AGBL5: variants seen among roughly 807,000 people sequenced by gnomAD.
AGBL5 encodes the protein AGBL carboxypeptidase 5, also known as cytosolic carboxypeptidase-like protein 5.
A neutral mutation model predicts 88.0 loss-of-function variants in AGBL5; 51 were observed. That is an observed-to-expected ratio of 0.58 (90% confidence interval 0.46 to 0.73). The LOEUF (loss-of-function observed/expected upper bound fraction) is 0.73, where lower values mean the gene tolerates loss of function less well. Among genes scored for constraint, AGBL5 ranks in the 30% least tolerant of loss-of-function variants. The pLI, the probability that AGBL5 is intolerant of heterozygous loss-of-function variation, is 0.00. For synonymous variants in AGBL5, 446 were observed against 438.8 expected (o/e 1.02, Z -0.21); for missense variants, 1,031 against 1,162.2 (o/e 0.89, Z 1.64).
intron 6 of AGBL5, 176 bp from the exon 7 acceptor site, chr2:27,055,506 T>G: frequency 1.3e-6 from 1 of 795,608 alleles, no homozygotes; most frequent in East Asian, 2.7e-5. Flanking sequence ...TAGGGTTCTA[T>G]GGTAAGGGTG....
chr2:27,068,993 G>T, intron 13 of AGBL5: 1 of 1,449,510 alleles, frequency 6.9e-7, no homozygotes, highest in East Asian at 3.1e-5. Flanking sequence ...ACCTTAGCCT[G>T]CTAGCTTTGG....
intron 6 of AGBL5, 94 bp downstream of exon 6, chr2:27,055,347 C>A: frequency 6.7e-7 from 1 of 1,483,506 alleles, no homozygotes. Context: ...CTTCTGTGTT[C>A]CCAGTCCTCT....
At chr2:27,062,876 C>T (rs1005019787) in intron 11 of AGBL5, 3 of 152,142 alleles carry the variant, frequency 2.0e-5, no homozygotes, top group Non-Finnish European at 2.9e-5. Context: ...AAGCCCGTCA[C>T]CAAGGATATT....
Position 27,053,189 on chromosome 2 carries a change from T to G in AGBL5, c.215+16T>G. The G allele has an allele frequency of 6.4e-7, 1 of 1,565,684 alleles. No individual in the cohort carries two copies. Among genetic ancestry groups the G allele is most frequent in the Non-Finnish European group, 8.7e-7 (1 of 1,152,448 alleles). On this transcript the variant is annotated intron_variant, in intron 2 of 14. Transcript: ENST00000360131. This position sits in a 1 kb window ranked among gnomAD's most constrained non-coding sequence, Gnocchi z 4.9. ...ATGGGAACAGGTATATGGAACGAAA[T>G]GGAGGGTGGAAAAAGGCTCCAAACC... is the stretch of plus-strand genomic sequence containing the variant.
In AGBL5 at chr2:27,067,664, C is replaced by G. The variant is rs1405682426; in HGVS notation, c.2242+18C>G. The G allele has an allele frequency of 6.2e-7, 1 of 1,612,954 alleles. No homozygotes were observed. Among genetic ancestry groups the G allele is most frequent in the South Asian group, 1.1e-5 (1 of 91,022 alleles). On this transcript the variant is annotated intron_variant, in intron 12 of 14. Transcript: ENST00000360131. ...CATACCAGGTCTGTACCCACTGCCA[C>G]TGAAATCTGGGTTTGCCAGCCTCCT...
At chr2:27,050,533 G>A (rs1668027389), upstream of AGBL5, among the ~76,000 whole-genome samples, 1 of 152,234 alleles carries the variant, frequency 6.6e-6, no homozygotes, top group Non-Finnish European at 1.5e-5. Context: ...AACCACCGCG[G>A]GGTGTTGGGA....
At chr2:27,061,083 GAC>G in intron 11 of AGBL5, 2 of 152,052 alleles carry the variant, frequency 1.3e-5, no homozygotes, top group Middle Eastern at 6.8e-3. Context: ...CTTTTTTTGA[GAC>G]AGAGTTTCAC....
intron 14 of AGBL5, 153 bp downstream of exon 14, chr2:27,069,859 T>C (rs995414515): frequency 4.3e-5 from 42 of 985,296 alleles, no homozygotes; most frequent in African/African-American, 1.6e-4. Flanking sequence ...GATTTTTTTT[T>C]CCCCCACCAT....
intron 13 of AGBL5, 132 bp from the exon 14 acceptor site, chr2:27,069,441 G>T: frequency 6.6e-7 from 1 of 1,515,364 alleles, no homozygotes; most frequent in South Asian, 1.3e-5. Flanking sequence ...CTCTCAGCTA[G>T]AATTCAATGT....
chr2:27,053,652 T>C lies in AGBL5; in HGVS notation c.387+79T>C. 6.6e-7 allele frequency: 1 copy of C among 1,523,942 alleles called. No individual in the cohort carries two copies. The highest frequency in any genetic ancestry group is 8.8e-7 in the Non-Finnish European group (1 of 1,138,508). The allele number at this position is 1,523,942 out of a possible 1,614,324, so 94.4% of individuals were successfully genotyped here. A position where few individuals can be genotyped will look rare whatever the true frequency, so the allele number is the denominator to read the frequency against. On this transcript the variant is annotated intron_variant, in intron 3 of 14. Transcript: ENST00000360131. The surrounding 1 kb of genome is among the most constrained non-coding windows in gnomAD (Gnocchi z 4.9). ...AAGTAAAGCGTTTTTTTTTCCTTGATACAAGTATGAAGCAGGTGGGACAAC... is the reference window on the plus strand; with the variant it reads ...AAGTAAAGCGTTTTTTTTTCCTTGACACAAGTATGAAGCAGGTGGGACAAC...
chr2:27,051,204 A>C (rs551075004), upstream of AGBL5, among the ~76,000 whole-genome samples: 3 of 152,178 alleles, frequency 2.0e-5, no homozygotes, highest in Admixed American at 6.5e-5. Context: ...GAAAGAACTA[A>C]GCAGCAGGCG....
Position 27,059,169 on chromosome 2 carries a change from CT to C in AGBL5, c.1875-20del. On this transcript the variant is annotated intron_variant, in intron 10 of 14. Transcript: ENST00000360131. The stretch of plus-strand genomic sequence containing the variant: ...ACACAACCTTCCTGGCCCGGGTTAA[CT>C]GGCATCTGCTTCTTTGCAGTGGGTT... 2 of 1,608,226 alleles carry C rather than the reference CT, an allele frequency of 1.2e-6. No homozygotes were observed. Among genetic ancestry groups the C allele is most frequent in the Non-Finnish European group, 1.7e-6 (2 of 1,176,408 alleles).
Position 27,055,748 on chromosome 2 carries a change from C to T in AGBL5, c.975C>T (p.Ala325=). 1 of 1,614,208 alleles carries T rather than the reference C, an allele frequency of 6.2e-7. No homozygotes were observed. The highest frequency in any genetic ancestry group is 8.5e-7 in the Non-Finnish European group (1 of 1,180,038). The change falls in exon 7 of 15, where the codon GCC becomes GCT. Residue 325 remains alanine, a synonymous_variant. Transcript: ENST00000360131. ...YLKPDAVLHP[A]IYGAKAVLLY... The stretch of plus-strand genomic sequence containing the variant: ...AGCCTGATGCCGTCCTGCACCCGGC[C>T]ATCTATGGGGCCAAAGCTGTGCTTC...
chr2:27,060,963 T>G (rs1329980133), intron 11 of AGBL5: 2 of 152,216 alleles, frequency 1.3e-5, no homozygotes, highest in African/African-American at 4.8e-5. Flanking sequence ...TAAGAGTGGT[T>G]TCTCCAAGAT....
chr2:27,066,564 A>G (rs1479148089), intron 11 of AGBL5, among the ~76,000 whole-genome samples: 1 of 152,200 alleles, frequency 6.6e-6, no homozygotes, highest in Non-Finnish European at 1.5e-5. Flanking sequence ...TTTAAGGGGC[A>G]GGAAGAACAG....
intron 13 of AGBL5, chr2:27,069,058 GGA>G (rs1246286357): frequency 2.2e-5 from 30 of 1,368,292 alleles, no homozygotes; most frequent in East Asian, 4.1e-5. Flanking sequence ...ACCTGTCCGA[GGA>G]GAGTTTCCGC....
chr2:27,064,571 G>T (rs533752296), intron 11 of AGBL5, among the ~76,000 whole-genome samples: 71 of 152,066 alleles, frequency 4.7e-4, no homozygotes, highest in Non-Finnish European at 8.2e-4. Context: ...CAAGGCACAT[G>T]AGCCACCGTG....
rs369204320 is a variant in AGBL5 at position 27,070,102 on chromosome 2, G to A, written c.2500G>A (p.Ala834Thr). The change falls in exon 15 of 15, where the codon GCC (alanine) becomes ACC (threonine). Residue 834 changes from alanine (A) to threonine (T), a missense_variant. Transcript: ENST00000360131. ...TCTTTTCTGTTGCAGGCTGCCTCAGGCCAGGCCCCCACGGCCCCGCTCTGC... is the reference window on the plus strand; with the variant it reads ...TCTTTTCTGTTGCAGGCTGCCTCAGACCAGGCCCCCACGGCCCCGCTCTGC... Reference protein sequence around the residue: ...SCSATPGLPQARPPRPRSAPA... With the variant: ...SCSATPGLPQTRPPRPRSAPA... 9 of 1,612,878 alleles carry A rather than the reference G, an allele frequency of 5.6e-6. No homozygotes were observed. Among genetic ancestry groups the A allele is most frequent in the African/African-American group, 2.7e-5 (2 of 74,890 alleles).
rs564465058 is a variant in AGBL5 at position 27,065,101 on chromosome 2, AGT to A, written c.2090-2389_2090-2388del. 4.0e-4 allele frequency among the ~76,000 whole-genome samples: 61 copies of A among 152,254 alleles called. No homozygotes were observed. The South Asian group carries it at 1.0e-2, about 25-fold the overall frequency. On this transcript the variant is annotated intron_variant, in intron 11 of 14. Transcript: ENST00000360131. ...TTCTTGTCACTGCCTGCTAATTCCCAGTGTGGCTGGGAAGATGAAGTTACTGT... is the reference window on the plus strand; with the variant it reads ...TTCTTGTCACTGCCTGCTAATTCCCAGTGGCTGGGAAGATGAAGTTACTGT...
Sources: allele counts gnomAD v4.1 joint callset (sites outside exome capture counted in the v4.1 genomes callset), GRCh38; gene constraint gnomAD v4.1.1; non-coding constraint Gnocchi (gnomAD v3.1); transcripts MANE v1.5; gene names NCBI Gene and HGNC (gene_info 2026-07-23, HGNC 2026-07-21).